The following ZFYVE28 variants were observed in gnomAD, a reference collection of about 807,000 sequenced individuals.
The protein encoded by ZFYVE28 is zinc finger FYVE-type containing 28.
A neutral mutation model predicts 82.1 loss-of-function variants in ZFYVE28; 40 were observed. The ratio of observed to expected loss-of-function variants is 0.49; its 90% CI spans 0.38 to 0.63. ZFYVE28 has a LOEUF of 0.63. Ranked by LOEUF, ZFYVE28 falls within the 30% of genes least tolerant of loss-of-function variation. ZFYVE28 has a pLI of 0.00. For synonymous variants in ZFYVE28, 612 were observed against 546.1 expected, an observed-to-expected ratio of 1.12 and a Z score of -1.68; for missense variants, 1,321 against 1,242.1, an observed-to-expected ratio of 1.06 and a Z score of -0.96.
intron 7 of ZFYVE28, chr4:2,307,203 A>G (rs916486260): frequency 3.3e-5 from 5 of 152,192 alleles, no homozygotes; most frequent in African/African-American, 7.2e-5. Flanking sequence ...GATTTTCTCT[A>G]TGTAAAGTTC....
intron 8 of ZFYVE28, among the ~76,000 whole-genome samples, chr4:2,291,074 C>G (rs1290472929): frequency 6.6e-6 from 1 of 152,228 alleles, no homozygotes; most frequent in Non-Finnish European, 1.5e-5. Flanking sequence ...GGGAGGAGCT[C>G]CTGTCGCCCT....
intron 7 of ZFYVE28, among the ~76,000 whole-genome samples, 199 bp from the exon 8 acceptor site, chr4:2,305,735 G>A (rs1415739884): frequency 2.6e-5 from 4 of 152,356 alleles, no homozygotes; most frequent in South Asian, 2.1e-4. Flanking sequence ...CCAGGACAAC[G>A]GTGTTCAAGG....
At chr4:2,273,992 C>G in intron 9 of ZFYVE28, 70 bp downstream of exon 9, 1 of 1,562,680 alleles carries the variant, frequency 6.4e-7, no homozygotes, top group South Asian at 1.2e-5. Context: ...ACACGCCCCG[C>G]CTGACCTCCC....
rs575310642 is a variant in ZFYVE28, at chr4:2,335,025, G to C, written c.701+680C>G. On this transcript the variant is annotated intron_variant, in intron 6 of 12. Transcript: ENST00000290974. The surrounding 1 kb of genome is among the most constrained non-coding windows in gnomAD (Gnocchi z 5.8). Reference sequence around the variant, plus strand: ...TAACCTTGGCCCCAGACAGCTCAGAGACGCTAAGCAGGTGACCCCGCGCAT... The same window carrying C: ...TAACCTTGGCCCCAGACAGCTCAGACACGCTAAGCAGGTGACCCCGCGCAT... Among the ~76,000 whole-genome samples the C allele has an allele frequency of 1.1e-4, 17 of 150,954 alleles. No homozygotes were observed. Among genetic ancestry groups the C allele is most frequent in the Non-Finnish European group, 2.4e-4 (16 of 67,580 alleles).
At chr4:2,346,819 G>A (rs1320980653) in intron 2 of ZFYVE28, among the ~76,000 whole-genome samples, 1 of 151,908 alleles carries the variant, frequency 6.6e-6, no homozygotes, top group Non-Finnish European at 1.5e-5. Context: ...AAAATTAAGA[G>A]AGGAAATTAC....
intron 1 of ZFYVE28, among the ~76,000 whole-genome samples, chr4:2,377,212 AG>A (rs35561331): frequency 0.18 from 27,555 of 151,798 alleles, 2,911 homozygotes; most frequent in African/African-American, 0.3. Context: ...TAGTACAGAC[AG>A]GGTTTTGCCG....
At chr4:2,318,538 A>G (rs914334401) in intron 7 of ZFYVE28, among the ~76,000 whole-genome samples, 6 of 152,212 alleles carry the variant, frequency 3.9e-5, no homozygotes, top group South Asian at 2.1e-4. Context: ...ACAGTAACGG[A>G]TAAGTCCTCA....
At chr4:2,399,920 C>T (rs1730990623) in intron 1 of ZFYVE28, among the ~76,000 whole-genome samples, 2 of 152,240 alleles carry the variant, frequency 1.3e-5, no homozygotes, top group African/African-American at 4.8e-5. Flanking sequence ...CAGGGCAGGG[C>T]GCCCACCGTG....
intron 7 of ZFYVE28, among the ~76,000 whole-genome samples, chr4:2,310,068 T>G (rs2108829072): frequency 6.6e-6 from 1 of 152,270 alleles, no homozygotes; most frequent in Middle Eastern, 3.4e-3. Context: ...AGATAATGTC[T>G]TGCGCTGTCA....
At chr4:2,401,434 A>C (rs1043799564) in intron 1 of ZFYVE28, among the ~76,000 whole-genome samples, 3 of 152,162 alleles carry the variant, frequency 2.0e-5, no homozygotes, top group Non-Finnish European at 4.4e-5. Flanking sequence ...TAGGTGGCCC[A>C]GGGCCCGGGT....
At chr4:2,271,892 A>T in intron 10 of ZFYVE28, 113 bp from the exon 11 acceptor site, 2 of 929,502 alleles carry the variant, frequency 2.2e-6, no homozygotes, top group South Asian at 2.9e-5. Context: ...TCAGCTCCCC[A>T]AGCCCACTGG....
Position 2,394,389 on chromosome 4 carries a change from C to T in ZFYVE28, c.39+23896G>A, listed in dbSNP as rs1448933872. On this transcript the variant is annotated intron_variant, in intron 1 of 12. Coordinates refer to ENST00000290974, the MANE Select transcript of ZFYVE28 (RefSeq NM_020972.3). This position sits in a 1 kb window ranked among gnomAD's most constrained non-coding sequence, Gnocchi z 4.0. ...CCCAGCAGCCACGTATGCGATCCCA[C>T]GGCCACACCTGCTCCAATGCCTGGA... Among the ~76,000 whole-genome samples, 1 of 152,178 alleles carries T rather than the reference C, an allele frequency of 6.6e-6. No homozygotes were observed. The highest frequency in any genetic ancestry group is 1.5e-5 in the Non-Finnish European group (1 of 68,028).
intron 6 of ZFYVE28, among the ~76,000 whole-genome samples, chr4:2,321,005 C>G (rs3135119): frequency 6.6e-6 from 1 of 151,810 alleles, no homozygotes; most frequent in Admixed American, 6.6e-5. Flanking sequence ...TGCCAAGCTC[C>G]GAGTGTGCCT....
intron 5 of ZFYVE28, among the ~76,000 whole-genome samples, chr4:2,336,193 T>G (rs561014878): frequency 2.6e-5 from 4 of 152,318 alleles, no homozygotes; most frequent in African/African-American, 9.6e-5. Flanking sequence ...ACAAAAATAC[T>G]GCCCCAAACA....
chr4:2,350,193 A>G (rs534620289), intron 2 of ZFYVE28, among the ~76,000 whole-genome samples: 4 of 152,316 alleles, frequency 2.6e-5, no homozygotes, highest in Admixed American at 1.3e-4. Context: ...GGCCGGGCGC[A>G]GTGGCTCACG....
chr4:2,318,420 T>C (rs546737285), intron 7 of ZFYVE28, among the ~76,000 whole-genome samples: 1 of 152,114 alleles, frequency 6.6e-6, no homozygotes, highest in South Asian at 2.1e-4. Context: ...TAGCCGGGCA[T>C]GGTGGCGTAC....
intron 1 of ZFYVE28, among the ~76,000 whole-genome samples, chr4:2,379,606 G>A (rs1448713698): frequency 6.6e-6 from 1 of 152,092 alleles, no homozygotes; most frequent in Admixed American, 6.6e-5. Context: ...TGCAGAGATG[G>A]CACGCGCACC....
At chr4:2,306,537 A>C (rs1253742397) in intron 7 of ZFYVE28, among the ~76,000 whole-genome samples, 1 of 152,114 alleles carries the variant, frequency 6.6e-6, no homozygotes. Context: ...CTCTTGTGGC[A>C]GGATTTGTTT....
In ZFYVE28 at chr4:2,304,705, C is replaced by A. The variant is rs758910028; in HGVS notation, c.1635G>T (p.Met545Ile). The A allele has an allele frequency of 1.2e-6, 2 of 1,612,672 alleles. No individual in the cohort carries two copies. Among genetic ancestry groups the A allele is most frequent in the Admixed American group, 3.3e-5 (2 of 60,006 alleles). Residue 545 changes from methionine to isoleucine, a missense_variant, in exon 8 of 13, where the codon ATG (methionine) becomes ATT (isoleucine). By Grantham distance (10) the Met-to-Ile change is conservative. This residue lies in a region of ZFYVE28 where 978 missense variants were observed against 833.7 expected (regional missense o/e 1.17). Coordinates refer to ENST00000290974, the MANE Select transcript of ZFYVE28 (RefSeq NM_020972.3). ...TGCTAAGCTTGTGGGGGCCGCCATC[C>A]ATCCCCTCGGCCACGGGCTCCGAGG... ...EAASEPVAEGMDGGPHKLSTG... is the reference protein window; with the variant it reads ...EAASEPVAEGIDGGPHKLSTG...
Sources: allele counts gnomAD v4.1 joint callset (sites outside exome capture counted in the v4.1 genomes callset), GRCh38; gene constraint gnomAD v4.1.1; regional missense constraint gnomAD v4.1.1; non-coding constraint Gnocchi (gnomAD v3.1); transcripts MANE v1.5; gene names NCBI Gene and HGNC (gene_info 2026-07-23, HGNC 2026-07-21).